LGSN: variants seen among roughly 807,000 people sequenced by gnomAD.
The protein encoded by LGSN is lengsin.
A neutral mutation model predicts 19.5 loss-of-function variants in LGSN; 21 were observed. That is an observed-to-expected ratio of 1.07 (90% CI 0.76 to 1.55). The LOEUF is 1.55. LGSN is among the 40% of genes most tolerant of loss of function. The pLI is 0.00. For synonymous variants in LGSN, 257 were observed against 215.6 expected (o/e 1.19, Z -1.68); for missense variants, 673 against 608.5 (o/e 1.11, Z -1.12).
At chr6:63,400,769 G>A in the LGSN span, among the ~76,000 whole-genome samples, 1 of 152,196 alleles carries the variant, frequency 6.6e-6, no homozygotes, top group Non-Finnish European at 1.5e-5. Context: ...TGAAGCGGGT[G>A]GATCACCTCA....
chr6:63,475,914 G>A, the LGSN span, among the ~76,000 whole-genome samples: 1 of 152,204 alleles, frequency 6.6e-6, no homozygotes, highest in African/African-American at 2.4e-5. Context: ...ATCAAAGGCA[G>A]CCCTTCAGAG....
chr6:63,556,662 C>T, the LGSN span, among the ~76,000 whole-genome samples: 8 of 152,174 alleles, frequency 5.3e-5, no homozygotes, highest in African/African-American at 1.2e-4. Context: ...ATGTCACTAT[C>T]GCTTTGGGTG....
intron 2 of LGSN, among the ~76,000 whole-genome samples, chr6:63,287,117 T>C (rs191796301): frequency 2.0e-5 from 3 of 152,288 alleles, no homozygotes; most frequent in South Asian, 2.1e-4. Flanking sequence ...TTTAGAAACA[T>C]AGATTAAGTA....
the LGSN span, among the ~76,000 whole-genome samples, chr6:63,552,638 G>T: frequency 6.6e-6 from 1 of 152,132 alleles, no homozygotes; most frequent in Non-Finnish European, 1.5e-5. Context: ...GTATTGCCTA[G>T]GTTTTCTTCT....
chr6:63,339,749 T>C, the LGSN span, among the ~76,000 whole-genome samples: 28 of 152,308 alleles, frequency 1.8e-4, no homozygotes, highest in African/African-American at 6.5e-4. Flanking sequence ...ATATCTTTTG[T>C]TCCTTTCTTC....
the LGSN span, among the ~76,000 whole-genome samples, chr6:63,482,322 T>TAAGTAA: frequency 6.6e-6 from 1 of 152,198 alleles, no homozygotes. Flanking sequence ...ATTTATTGAA[T>TAAGTAA]AAGTAAATCA....
the LGSN span, among the ~76,000 whole-genome samples, chr6:63,560,299 T>C: frequency 2.1e-5 from 3 of 141,602 alleles, no homozygotes; most frequent in East Asian, 4.1e-4. Context: ...GATCACGCCA[T>C]TGCACTCCAG....
the LGSN span, among the ~76,000 whole-genome samples, chr6:63,348,635 T>A: frequency 6.6e-6 from 1 of 152,102 alleles, no homozygotes; most frequent in African/African-American, 2.4e-5. Flanking sequence ...AACATCTTAT[T>A]GCACATCTGG....
the LGSN span, among the ~76,000 whole-genome samples, chr6:63,460,715 A>G: frequency 6.6e-6 from 1 of 152,326 alleles, no homozygotes; most frequent in Admixed American, 6.5e-5. Flanking sequence ...TCACAATGAC[A>G]ATCAGGCTTG....
chr6:63,566,797 T>C, the LGSN span, among the ~76,000 whole-genome samples: 4 of 152,348 alleles, frequency 2.6e-5, no homozygotes, highest in South Asian at 8.3e-4. Flanking sequence ...TGCTGTTTGA[T>C]AGTATTTTAC....
the LGSN span, among the ~76,000 whole-genome samples, chr6:63,485,789 C>T: frequency 1.8e-4 from 27 of 152,114 alleles, no homozygotes; most frequent in Non-Finnish European, 3.5e-4. Flanking sequence ...AGTGCAGTGG[C>T]ATGATCTCGG....
At chr6:63,519,945 A>G in the LGSN span, among the ~76,000 whole-genome samples, 1 of 152,254 alleles carries the variant, frequency 6.6e-6, no homozygotes, top group Non-Finnish European at 1.5e-5. Flanking sequence ...ACACATTAAA[A>G]TTCAGTAGAT....
chr6:63,506,648 A>T, the LGSN span, among the ~76,000 whole-genome samples: 1 of 152,152 alleles, frequency 6.6e-6, no homozygotes, highest in African/African-American at 2.4e-5. Context: ...CAGTTATTTT[A>T]TAAATGGTTA....
the LGSN span, among the ~76,000 whole-genome samples, chr6:63,347,643 A>G: frequency 5.9e-5 from 9 of 152,326 alleles, no homozygotes; most frequent in Admixed American, 4.6e-4. Flanking sequence ...AAGATAAGGA[A>G]CTGCTTATCT....
At chr6:63,295,887 GT>G (rs1307659957) in intron 1 of LGSN, among the ~76,000 whole-genome samples, 4 of 152,122 alleles carry the variant, frequency 2.6e-5, no homozygotes, top group Non-Finnish European at 5.9e-5. Context: ...TATTTTTAAG[GT>G]TTTTTACAAA....
At chr6:63,413,933 C>G in the LGSN span, among the ~76,000 whole-genome samples, 1 of 152,082 alleles carries the variant, frequency 6.6e-6, no homozygotes. Context: ...CCATGGCTAT[C>G]TTGAATATTA....
chr6:63,552,872 C>G, the LGSN span, among the ~76,000 whole-genome samples: 3 of 152,096 alleles, frequency 2.0e-5, no homozygotes, highest in Admixed American at 6.5e-5. Context: ...TCTGAGGGCT[C>G]TGTTCTGTAT....
At position 63,280,256 on chromosome 6, in the gene LGSN, T is replaced by C; in HGVS notation, c.1295A>G (p.His432Arg). Residue 432 changes from histidine (H) to arginine (R), a missense_variant, in exon 4 of 4, where the codon CAT becomes CGT. His to Arg is a conservative substitution (Grantham distance 29). Transcript: ENST00000370657. ...ACCAGCCAAGACCTCATTACTGCTA[T>C]GAAGTCCATCTAAGCCGGCAGCAAC... is the stretch of plus-strand genomic sequence containing the variant. ...ATVAAGLDGL[H>R]SSNEVLAGPD... 6.2e-7 allele frequency: 1 copy of C among 1,614,234 alleles called. No homozygotes were observed. Among genetic ancestry groups the C allele is most frequent in the Non-Finnish European group, 8.5e-7 (1 of 1,180,044 alleles).
At chr6:63,531,831 CT>C in the LGSN span, among the ~76,000 whole-genome samples, 1,457 of 144,042 alleles carry the variant, frequency 0.01, 9 homozygotes, top group African/African-American at 0.025. Context: ...GCCACATACA[CT>C]TTTTTTTTTT....
Sources: allele counts gnomAD v4.1 joint callset (sites outside exome capture counted in the v4.1 genomes callset), GRCh38; gene constraint gnomAD v4.1.1; transcripts MANE v1.5; gene names NCBI Gene and HGNC (gene_info 2026-07-23, HGNC 2026-07-21).